CRPPA: variants seen among roughly 807,000 people sequenced by gnomAD.
The protein encoded by CRPPA is D-ribitol-5-phosphate cytidylyltransferase.
Under a neutral mutation model 52.0 loss-of-function variants are expected in CRPPA, and 43 were observed. That is an observed-to-expected ratio of 0.83 (90% CI 0.65 to 1.07). CRPPA has a LOEUF of 1.07. Among genes scored for constraint, CRPPA ranks in the 50% least tolerant of loss-of-function variants. CRPPA has a pLI of 0.00. For missense variants in CRPPA, 629 were observed against 551.7 expected (o/e 1.14, Z -1.40); for synonymous variants, 250 against 203.5 (o/e 1.23, Z -1.94).
intron 6 of CRPPA, among the ~76,000 whole-genome samples, chr7:16,260,909 AC>A (rs1311864917): frequency 6.6e-6 from 1 of 152,120 alleles, no homozygotes; most frequent in African/African-American, 2.4e-5. Flanking sequence ...AAAAACAAAA[AC>A]AAAACTTTGC....
chr7:16,405,063 T>C (rs952017952), intron 2 of CRPPA, among the ~76,000 whole-genome samples: 4 of 152,070 alleles, frequency 2.6e-5, no homozygotes, highest in African/African-American at 9.7e-5. Context: ...ACATGGGTTA[T>C]TGAAGTTATA....
At chr7:16,232,387 T>G (rs1782824504) in intron 8 of CRPPA, among the ~76,000 whole-genome samples, 1 of 152,196 alleles carries the variant, frequency 6.6e-6, no homozygotes, top group African/African-American at 2.4e-5. Flanking sequence ...AAATGTGTTC[T>G]TGACAAAAAG....
intron 2 of CRPPA, among the ~76,000 whole-genome samples, chr7:16,380,915 A>G (rs1787068208): frequency 6.6e-6 from 1 of 151,382 alleles, no homozygotes; most frequent in Non-Finnish European, 1.5e-5. Context: ...CGGTCTATCA[A>G]TTTTGTTGAT....
At position 16,421,323 on chromosome 7, in the gene CRPPA, G is replaced by A; in HGVS notation, c.-1C>T. Reference sequence around the variant, plus strand: ...CGCTGCCCGGCGGCCCGGCCTCCATGGCTGCGGGCGGAACGGCGAGCCCCG... The same window carrying A: ...CGCTGCCCGGCGGCCCGGCCTCCATAGCTGCGGGCGGAACGGCGAGCCCCG... On this transcript the variant is annotated 5_prime_UTR_variant, in exon 1 of 10. Transcript: ENST00000407010. The A allele has an allele frequency of 8.0e-7, 1 of 1,248,978 alleles. No homozygotes were observed. The highest frequency in any genetic ancestry group is 1.0e-6 in the Non-Finnish European group (1 of 993,546). The allele number at this position is 1,248,978 out of a possible 1,614,324, so 77.4% of individuals were successfully genotyped here.
intron 9 of CRPPA, among the ~76,000 whole-genome samples, chr7:16,177,916 A>T (rs1391447449): frequency 1.3e-5 from 2 of 152,096 alleles, no homozygotes; most frequent in African/African-American, 4.8e-5. Flanking sequence ...AAGCTTGAGA[A>T]TTATTAAGCA....
At chr7:16,214,774 G>C (rs1354038641) in intron 9 of CRPPA, among the ~76,000 whole-genome samples, 1 of 152,134 alleles carries the variant, frequency 6.6e-6, no homozygotes, top group Non-Finnish European at 1.5e-5. Context: ...GCCTCCCAAA[G>C]TGTTAGGATT....
intron 1 of CRPPA, among the ~76,000 whole-genome samples, chr7:16,406,621 T>C (rs1787960961): frequency 1.3e-5 from 2 of 152,246 alleles, no homozygotes; most frequent in Non-Finnish European, 2.9e-5. Flanking sequence ...ATGTCATTTT[T>C]TACTTAAATT....
chr7:16,131,221 T>A (rs1172231538), intron 9 of CRPPA, among the ~76,000 whole-genome samples: 1 of 151,742 alleles, frequency 6.6e-6, no homozygotes, highest in Non-Finnish European at 1.5e-5. Context: ...AGAGACTGAG[T>A]TTTGAGGTGC....
At chr7:16,387,086 T>TATATATATATAC (rs1214967656) in intron 2 of CRPPA, among the ~76,000 whole-genome samples, 6 of 55,806 alleles carry the variant, frequency 1.1e-4, no homozygotes, top group Non-Finnish European at 2.0e-4. Context: ...TATATATATA[T>TATATATATATAC]ACACACATAT....
intron 3 of CRPPA, among the ~76,000 whole-genome samples, chr7:16,309,013 T>C (rs983612765): frequency 2.6e-5 from 4 of 152,336 alleles, no homozygotes; most frequent in Admixed American, 1.3e-4. Flanking sequence ...AATATATATC[T>C]ACAAAATCTA....
At chr7:16,157,227 A>G (rs1175260242) in intron 9 of CRPPA, among the ~76,000 whole-genome samples, 3 of 150,406 alleles carry the variant, frequency 2.0e-5, no homozygotes, top group African/African-American at 7.3e-5. Context: ...AATGAAATTC[A>G]TAAGCTTATT....
intron 9 of CRPPA, among the ~76,000 whole-genome samples, chr7:16,152,838 T>C (rs1402051874): frequency 6.6e-6 from 1 of 152,028 alleles, no homozygotes; most frequent in East Asian, 1.9e-4. Flanking sequence ...TATAAAGTTC[T>C]CAAAATATCT....
intron 6 of CRPPA, among the ~76,000 whole-genome samples, chr7:16,275,836 C>A (rs1784191200): frequency 1.3e-5 from 2 of 148,844 alleles, no homozygotes; most frequent in African/African-American, 2.5e-5. Context: ...CAAAAACAAA[C>A]AAAAAATATA....
At chr7:16,419,854 T>A (rs1293935982) in intron 1 of CRPPA, among the ~76,000 whole-genome samples, 1 of 152,110 alleles carries the variant, frequency 6.6e-6, no homozygotes, top group African/African-American at 2.4e-5. Flanking sequence ...TGAGTAATAA[T>A]TTTTGAGTAA....
At chr7:16,260,047 T>C (rs571490656) in intron 6 of CRPPA, among the ~76,000 whole-genome samples, 52 of 152,044 alleles carry the variant, frequency 3.4e-4, no homozygotes, top group African/African-American at 1.3e-3. Flanking sequence ...AAAAAGTCCA[T>C]AGTCATCAAC....
chr7:16,145,643 A>G (rs79840395), intron 9 of CRPPA, among the ~76,000 whole-genome samples: 812 of 9,814 alleles, frequency 0.083, 14 homozygotes, highest in African/African-American at 0.11. Context: ...AAACTATCAT[A>G]AAAAAAAAAA....
At chr7:16,408,054 G>A (rs1787995050) in intron 1 of CRPPA, among the ~76,000 whole-genome samples, 1 of 150,378 alleles carries the variant, frequency 6.6e-6, no homozygotes, top group South Asian at 2.1e-4. Context: ...GTTGAAATGA[G>A]CCAAGATCAT....
At position 16,152,711 on chromosome 7, in the gene CRPPA, G is replaced by A. The variant is rs1583393293; in HGVS notation, c.1252-60912C>T. On this transcript the variant is annotated intron_variant, in intron 9 of 9. Transcript: ENST00000407010. Reference sequence around the variant, plus strand: ...TTTCAACATGAAAGGCAGGGTCTTGGTTTAAAGTTATGAATATGATTTTAA... The same window carrying A: ...TTTCAACATGAAAGGCAGGGTCTTGATTTAAAGTTATGAATATGATTTTAA... Among the ~76,000 whole-genome samples, 3 of 152,020 alleles carry A rather than the reference G, an allele frequency of 2.0e-5. No homozygotes were observed. In the South Asian group the frequency reaches 6.2e-4, roughly 32 times the overall value.
intron 8 of CRPPA, among the ~76,000 whole-genome samples, chr7:16,243,867 T>G (rs1783194628): frequency 6.6e-6 from 1 of 152,144 alleles, no homozygotes; most frequent in Admixed American, 6.5e-5. Flanking sequence ...CTTAGGAGGC[T>G]GAGGCAGGAG....
Sources: gnomAD v4.1 joint callset for allele counts (sites outside exome capture counted in the v4.1 genomes callset) on GRCh38, gnomAD v4.1.1 for gene constraint, MANE v1.5 for transcripts, NCBI Gene and HGNC (gene_info 2026-07-23, HGNC 2026-07-21) for gene names.